DGKD: variants seen among roughly 807,000 people sequenced by gnomAD.
The protein encoded by DGKD is DAG kinase delta.
In DGKD, 68 loss-of-function variants were observed where a neutral mutation model predicts 154.4. That is an observed-to-expected ratio of 0.44 (90% CI 0.36 to 0.54). The LOEUF (loss-of-function observed/expected upper bound fraction) is 0.54. DGKD is among the 20% of genes least tolerant of loss of function. DGKD has a pLI of 0.00. For synonymous variants in DGKD, 693 were observed against 638.0 expected, an observed-to-expected ratio of 1.09 and a Z score of -1.30; for missense variants, 1,343 against 1,593.6, an observed-to-expected ratio of 0.84 and a Z score of 2.68.
At chr2:233,429,676 G>A (rs778878946) in intron 3 of DGKD, among the ~76,000 whole-genome samples, 7 of 152,266 alleles carry the variant, frequency 4.6e-5, no homozygotes, top group Admixed American at 1.3e-4. Flanking sequence ...GAGCCGGGGG[G>A]TGTCCTCTGG....
At position 233,450,104 on chromosome 2, in the gene DGKD, G is replaced by A. The variant is rs777245748; in HGVS notation, c.2011G>A (p.Val671Ile). 6.2e-7 allele frequency: 1 copy of A among 1,613,154 alleles called. No individual in the cohort carries two copies. Among genetic ancestry groups the A allele is most frequent in the Non-Finnish European group, 8.5e-7 (1 of 1,179,514 alleles). Reference sequence around the variant, plus strand: ...ACTGTCCCACAGCGAGAGCTTCGGGGTCCCCAAGGGGAGGAGCCAGCGCAA... The same window carrying A: ...ACTGTCCCACAGCGAGAGCTTCGGGATCCCCAAGGGGAGGAGCCAGCGCAA... ...PPLSHSESFG[V>I]PKGRSQRKVS... The change falls in exon 16 of 30, where the codon GTC becomes ATC. Residue 671 changes from valine to isoleucine, a missense_variant. Around this residue, in one of 6 missense-constraint regions of DGKD, gnomAD observed 409 missense variants for 446.0 expected, o/e 0.92. Transcript: ENST00000264057.
intron 1 of DGKD, among the ~76,000 whole-genome samples, chr2:233,369,666 C>G (rs1702213112): frequency 6.6e-6 from 1 of 152,150 alleles, no homozygotes; most frequent in African/African-American, 2.4e-5. Flanking sequence ...TTGCTGTTTC[C>G]TGGGGACTTG....
In DGKD at chr2:233,441,795, A is replaced by G; in HGVS notation, c.1086-92A>G. On this transcript the variant is annotated intron_variant, in intron 9 of 29. Coordinates refer to ENST00000264057, the MANE Select transcript of DGKD (RefSeq NM_152879.3). This position sits in a 1 kb window ranked among gnomAD's most constrained non-coding sequence, Gnocchi z 5.6. ...CCTCTGGTGCAGGTCAGCCATGAGG[A>G]GCACAGGTGGCCCCTCAGCCCCGTA... The G allele has an allele frequency of 1.7e-6, 2 of 1,179,840 alleles. No homozygotes were observed. Among genetic ancestry groups the G allele is most frequent in the Non-Finnish European group, 2.5e-6 (2 of 809,956 alleles). 73.1% of individuals were successfully genotyped at this position (1,179,840 alleles called of 1,614,324 possible).
At chr2:233,436,294 G>A in intron 6 of DGKD, 22 bp from the exon 7 acceptor site, 1 of 1,614,028 alleles carries the variant, frequency 6.2e-7, no homozygotes, top group East Asian at 2.2e-5. Context: ...CGTCCCTAGT[G>A]CGTGCCTCTG....
rs755780275 is a variant in DGKD at position 233,462,464 on chromosome 2, C to T, written c.3093+5C>T. The T allele has an allele frequency of 3.1e-5, 49 of 1,589,824 alleles. 1 individual carries two copies. In the South Asian group the frequency reaches 5.4e-4, roughly 18 times the overall value. On this transcript the variant is annotated splice_donor_5th_base_variant and intron_variant, in intron 25 of 29. Coordinates refer to ENST00000264057, the MANE Select transcript of DGKD (RefSeq NM_152879.3). ...GGCAAGCCCAGAACCACAGAGGTAG[C>T]TATTCTGGCCTTTTCAGTCCTGGCT...
chr2:233,443,833 A>G (rs1226710681), intron 10 of DGKD, among the ~76,000 whole-genome samples: 3 of 152,198 alleles, frequency 2.0e-5, no homozygotes, highest in Admixed American at 2.0e-4. Context: ...GCTGATTTTC[A>G]TACGTTCAGC....
chr2:233,446,398 T>C (rs1364044418), intron 11 of DGKD, among the ~76,000 whole-genome samples: 1 of 152,240 alleles, frequency 6.6e-6, no homozygotes, highest in Non-Finnish European at 1.5e-5. Flanking sequence ...CTCATCTCAC[T>C]GGGCCAGCTG....
chr2:233,454,926 C>A, intron 19 of DGKD, 53 bp downstream of exon 19: 1 of 1,156,772 alleles, frequency 8.6e-7, no homozygotes. Context: ...GTGGCTTCTC[C>A]TTCCAGACAG....
chr2:233,393,737 G>A (rs967915745), intron 3 of DGKD, among the ~76,000 whole-genome samples: 15 of 147,208 alleles, frequency 1.0e-4, no homozygotes, highest in Non-Finnish European at 1.6e-4. Context: ...AGGGGGGAGT[G>A]TAGTGGTGTG....
intron 3 of DGKD, among the ~76,000 whole-genome samples, chr2:233,402,612 C>T (rs534786387): frequency 2.0e-5 from 3 of 152,314 alleles, no homozygotes; most frequent in East Asian, 1.9e-4. Context: ...CCTCTGTGGG[C>T]CAGGCTCCCC....
At chr2:233,429,236 CTTG>C (rs2062425250) in intron 3 of DGKD, 11 of 985,270 alleles carry the variant, frequency 1.1e-5, no homozygotes, top group Non-Finnish European at 1.3e-5. Flanking sequence ...AAAACATCTC[CTTG>C]TTGTCTTCTA....
At chr2:233,406,569 C>T (rs141861112) in intron 3 of DGKD, among the ~76,000 whole-genome samples, 30 of 152,282 alleles carry the variant, frequency 2.0e-4, no homozygotes, top group East Asian at 9.6e-4. Context: ...AGTGTGTTGC[C>T]TGGTAGGAGT....
At chr2:233,436,732 T>A (rs1265386807) in intron 7 of DGKD, among the ~76,000 whole-genome samples, 1 of 152,260 alleles carries the variant, frequency 6.6e-6, no homozygotes. Context: ...AGGGGTCACC[T>A]GGGACAATTG....
At chr2:233,389,571 A>G (rs1703438303) in intron 2 of DGKD, among the ~76,000 whole-genome samples, 1 of 123,544 alleles carries the variant, frequency 8.1e-6, no homozygotes, top group South Asian at 3.2e-4. Flanking sequence ...ACTTCCCTCA[A>G]TTAAAAAAAA....
intron 1 of DGKD, among the ~76,000 whole-genome samples, chr2:233,379,296 T>C (rs1166179771): frequency 6.6e-6 from 1 of 152,074 alleles, no homozygotes; most frequent in Non-Finnish European, 1.5e-5. Flanking sequence ...GAGCTGAGGA[T>C]TTCCAGGCGG....
At position 233,467,111 on chromosome 2, in the gene DGKD, G is replaced by T. The variant is rs559299318; in HGVS notation, c.3332G>T (p.Arg1111Leu). ...EESVMLDLAK[R>L]SRSGKFRLVT... ...AGTGTGATGCTGGATCTTGCCAAGC[G>T]CAGTCGCAGTGGTAAATTCCGCCTC... Residue 1111 changes from arginine to leucine, a missense_variant, in exon 28 of 30, where the codon CGC (arginine) becomes CTC (leucine). By Grantham distance (102) the Arg-to-Leu change is moderately radical (BLOSUM62 -2). Around this residue, in one of 6 missense-constraint regions of DGKD, gnomAD observed 429 missense variants for 496.3 expected, o/e 0.86. Coordinates refer to ENST00000264057, the MANE Select transcript of DGKD (RefSeq NM_152879.3). 5 of 1,613,976 alleles carry T rather than the reference G, an allele frequency of 3.1e-6. No homozygotes were observed. The African/African-American group carries it at 4.0e-5, about 13-fold the overall frequency.
chr2:233,428,255 TCTC>T (rs1392847606), intron 3 of DGKD, among the ~76,000 whole-genome samples: 3 of 151,904 alleles, frequency 2.0e-5, no homozygotes, highest in Non-Finnish European at 2.9e-5. Flanking sequence ...TCATGGCAAA[TCTC>T]CTGTGTGCAG....
chr2:233,429,766 T>C (rs1169073543), intron 3 of DGKD, among the ~76,000 whole-genome samples: 2 of 152,216 alleles, frequency 1.3e-5, no homozygotes, highest in Admixed American at 6.5e-5. Context: ...GGGCCTGCCT[T>C]TGCCGTCTCT....
At chr2:233,407,035 G>A (rs1232443367) in intron 3 of DGKD, among the ~76,000 whole-genome samples, 1 of 152,134 alleles carries the variant, frequency 6.6e-6, no homozygotes, top group Non-Finnish European at 1.5e-5. Context: ...TGTGACCTAG[G>A]GCAGATACTT....
Sources: gnomAD v4.1 joint callset for allele counts (sites outside exome capture counted in the v4.1 genomes callset) on GRCh38, gnomAD v4.1.1 for gene constraint, gnomAD v4.1.1 regional missense constraint, Gnocchi (gnomAD v3.1) non-coding constraint, MANE v1.5 for transcripts, NCBI Gene and HGNC (gene_info 2026-07-23, HGNC 2026-07-21) for gene names.